Variants in UBALD2 observed in about 807,000 individuals in gnomAD.
UBALD2 encodes UBA-like domain-containing protein 2.
Under a neutral mutation model 15.9 loss-of-function variants are expected in UBALD2, and 8 were observed. The ratio of observed to expected loss-of-function variants is 0.50; its 90% CI spans 0.29 to 0.91. UBALD2 has a LOEUF of 0.91. UBALD2 is among the 40% of genes least tolerant of loss of function. UBALD2 has a pLI of 0.07. For missense variants in UBALD2, 178 were observed against 234.8 expected (o/e 0.76, Z 1.58); for synonymous variants, 113 against 97.7 (o/e 1.16, Z -0.93).
intron 2 of UBALD2, among the ~76,000 whole-genome samples, chr17:76,268,492 G>GC (rs57096365): frequency 0.21 from 31,756 of 151,556 alleles, 3,561 homozygotes; most frequent in East Asian, 0.37. Context: ...AGAGGGTGGG[G>GC]GGGGGGCAGG....
Position 76,269,104 on chromosome 17 carries a change from A to G in UBALD2, c.184-1090A>G, listed in dbSNP as rs1040295818. Among the ~76,000 whole-genome samples, 2 of 152,082 alleles carry G rather than the reference A, an allele frequency of 1.3e-5. No individual in the cohort carries two copies. Among genetic ancestry groups the G allele is most frequent in the African/African-American group, 2.4e-5 (1 of 41,406 alleles). Reference sequence around the variant, plus strand: ...AACTCCTGCGCCTGGGGGAGGGGCCAGTGTTGCTAAAATTAGGAGAAATTC... The same window carrying G: ...AACTCCTGCGCCTGGGGGAGGGGCCGGTGTTGCTAAAATTAGGAGAAATTC... On this transcript the variant is annotated intron_variant, in intron 2 of 2. Coordinates refer to ENST00000327490, the MANE Select transcript of UBALD2 (RefSeq NM_182565.4). The surrounding 1 kb of genome is among the most constrained non-coding windows in gnomAD (Gnocchi z 4.6).
chr17:76,267,201 A>G (rs2070551634), intron 2 of UBALD2, among the ~76,000 whole-genome samples: 1 of 151,954 alleles, frequency 6.6e-6, no homozygotes, highest in African/African-American at 2.4e-5. Flanking sequence ...ATTTCCTTCC[A>G]CCAGCTGTGG....
Position 76,270,580 on chromosome 17 carries a change from G to T in UBALD2, c.*75G>T, listed in dbSNP as rs558904539. On this transcript the variant is annotated 3_prime_UTR_variant, in exon 3 of 3. Coordinates refer to ENST00000327490, the MANE Select transcript of UBALD2 (RefSeq NM_182565.4). ...GTGGGGACACAGGAGGGCCAGGGAG[G>T]GGGGAGCCGGGGAGGGCAGGGGGTT... is the stretch of plus-strand genomic sequence containing the variant. The T allele has an allele frequency of 1.4e-4, 176 of 1,288,780 alleles. No homozygotes were observed. Among genetic ancestry groups the T allele is most frequent in the Non-Finnish European group, 1.6e-4 (155 of 992,444 alleles). 79.8% of individuals were successfully genotyped at this position (1,288,780 alleles called of 1,614,324 possible). A position where few individuals can be genotyped will look rare whatever the true frequency, so the allele number is the denominator to read the frequency against.
intron 2 of UBALD2, among the ~76,000 whole-genome samples, chr17:76,268,704 C>T (rs774880240): frequency 2.7e-5 from 4 of 150,320 alleles, no homozygotes; most frequent in South Asian, 2.1e-4. Context: ...ACACAACCTC[C>T]GGTTTCTAGC....
chr17:76,268,609 T>G (rs1463868683), intron 2 of UBALD2, among the ~76,000 whole-genome samples: 2 of 152,034 alleles, frequency 1.3e-5, no homozygotes, highest in African/African-American at 4.8e-5. Flanking sequence ...CAGAGCTCCC[T>G]TGGTGCCCTG....
chr17:76,266,621 G>A (rs2070547794), intron 2 of UBALD2, among the ~76,000 whole-genome samples: 1 of 152,188 alleles, frequency 6.6e-6, no homozygotes, highest in South Asian at 2.1e-4. Context: ...TAATCTCTGT[G>A]TTGAGCTCCA....
chr17:76,266,467 C>T (rs1202794892), intron 2 of UBALD2, among the ~76,000 whole-genome samples: 1 of 152,174 alleles, frequency 6.6e-6, no homozygotes, highest in African/African-American at 2.4e-5. Context: ...TGAATCCACC[C>T]TGGCTCAGGA....
rs2070576529 is a variant in UBALD2 at position 76,270,302 on chromosome 17, A to G, written c.292A>G (p.Met98Val). ...SEGLQSSNSPMTAAACSPPAN... is the reference protein window; with the variant it reads ...SEGLQSSNSPVTAAACSPPAN... ...GGGCCTGCAGAGCAGCAACAGCCCC[A>G]TGACAGCCGCAGCCTGCTCCCCACC... Residue 98 changes from methionine (M) to valine (V), a missense_variant, in exon 3 of 3, where the codon ATG (methionine) becomes GTG (valine). Physicochemically the swap from Met to Val is conservative, Grantham distance 21. Coordinates refer to ENST00000327490, the MANE Select transcript of UBALD2 (RefSeq NM_182565.4). The G allele has an allele frequency of 3.7e-6, 6 of 1,610,570 alleles. No individual in the cohort carries two copies. Among genetic ancestry groups the G allele is most frequent in the South Asian group, 2.2e-5 (2 of 90,984 alleles).
intron 2 of UBALD2, among the ~76,000 whole-genome samples, chr17:76,268,496 G>GGGGGT (rs1358447784): frequency 2.6e-5 from 4 of 151,964 alleles, no homozygotes; most frequent in African/African-American, 9.7e-5. Context: ...GGTGGGGGGG[G>GGGGGT]GGCAGGGAGT....
intron 2 of UBALD2, among the ~76,000 whole-genome samples, chr17:76,268,501 G>T (rs1476933887): frequency 6.7e-6 from 1 of 149,918 alleles, no homozygotes; most frequent in Admixed American, 6.6e-5. Flanking sequence ...GGGGGGGGCA[G>T]GGAGTAGTGG....
chr17:76,270,450 C>T lies in UBALD2; in HGVS notation c.440C>T (p.Ala147Val). The T allele has an allele frequency of 1.3e-6, 2 of 1,513,176 alleles. No homozygotes were observed. The highest frequency in any genetic ancestry group is 1.4e-5 in the African/African-American group (1 of 71,974). 93.7% of individuals were successfully genotyped at this position (1,513,176 alleles called of 1,614,324 possible). Residue 147 changes from alanine to valine, a missense_variant, in exon 3 of 3, where the codon GCA becomes GTA. Ala to Val is a moderately conservative substitution (Grantham distance 64). Coordinates refer to ENST00000327490, the MANE Select transcript of UBALD2 (RefSeq NM_182565.4). ...CCACAGCCCACGTGGCCCCCAGGAG[C>T]ACAGCAGGGGGGCGCCCAGCAGAAA... ...HRPQPTWPPG[A>V]QQGGAQQKAM... is the part of the protein sequence containing the mutation.
Position 76,265,974 on chromosome 17 carries a change from G to A in UBALD2, c.183+5G>A, listed in dbSNP as rs962716788. The A allele has an allele frequency of 2.5e-6, 4 of 1,572,492 alleles. No homozygotes were observed. The highest frequency in any genetic ancestry group is 3.4e-6 in the Non-Finnish European group (4 of 1,160,216). On this transcript the variant is annotated splice_donor_5th_base_variant and intron_variant, in intron 2 of 2. Transcript: ENST00000327490. ...AGCCACCACCACCACCAGATGGTAA[G>A]CGGCGGCGGGCAGGGGCGCGGGCCG...
At chr17:76,267,200 C>T (rs1175507856) in intron 2 of UBALD2, among the ~76,000 whole-genome samples, 1 of 152,148 alleles carries the variant, frequency 6.6e-6, no homozygotes, top group East Asian at 1.9e-4. Context: ...GATTTCCTTC[C>T]ACCAGCTGTG....
intron 2 of UBALD2, among the ~76,000 whole-genome samples, chr17:76,268,155 G>C (rs1057348800): frequency 2.0e-5 from 3 of 152,226 alleles, no homozygotes; most frequent in Admixed American, 6.5e-5. Flanking sequence ...GTGGAGAAAG[G>C]CACTACAGAC....
At position 76,269,720 on chromosome 17, in the gene UBALD2, C is replaced by T. The variant is rs1029279062; in HGVS notation, c.184-474C>T. Among the ~76,000 whole-genome samples, 6 of 152,220 alleles carry T rather than the reference C, an allele frequency of 3.9e-5. No homozygotes were observed. Among genetic ancestry groups the T allele is most frequent in the African/African-American group, 1.4e-4 (6 of 41,460 alleles). On this transcript the variant is annotated intron_variant, in intron 2 of 2. Coordinates refer to ENST00000327490, the MANE Select transcript of UBALD2 (RefSeq NM_182565.4). The surrounding 1 kb of genome is among the most constrained non-coding windows in gnomAD (Gnocchi z 4.6). Reference sequence around the variant, plus strand: ...CTTAGTGTGGTGTGAACCCATCCACCAAGGTGGCTTAACTTTTCCAGGGTT... The same window carrying T: ...CTTAGTGTGGTGTGAACCCATCCACTAAGGTGGCTTAACTTTTCCAGGGTT...
At chr17:76,267,321 C>T (rs1294785429) in intron 2 of UBALD2, among the ~76,000 whole-genome samples, 1 of 152,078 alleles carries the variant, frequency 6.6e-6, no homozygotes, top group African/African-American at 2.4e-5. Flanking sequence ...TTCCTATTGC[C>T]CCTCCTCTGC....
intron 2 of UBALD2, 148 bp downstream of exon 2, chr17:76,266,117 C>T: frequency 3.7e-6 from 4 of 1,084,206 alleles, no homozygotes; most frequent in Non-Finnish European, 3.9e-6. Flanking sequence ...GCGCTGGCGC[C>T]TCCAACTTTG....
chr17:76,266,400 TC>T (rs202148630), intron 2 of UBALD2, among the ~76,000 whole-genome samples: 2,450 of 148,008 alleles, frequency 0.017, 72 homozygotes, highest in African/African-American at 0.062. Context: ...TTGAGTGGTT[TC>T]CCCCCTCCCC....
At chr17:76,266,417 C>CAT (rs1307286997) in intron 2 of UBALD2, among the ~76,000 whole-genome samples, 1 of 151,630 alleles carries the variant, frequency 6.6e-6, no homozygotes. Flanking sequence ...TCCCCCTCCA[C>CAT]ACACACACAC....
Sources: allele counts gnomAD v4.1 joint callset (sites outside exome capture counted in the v4.1 genomes callset), GRCh38; gene constraint gnomAD v4.1.1; non-coding constraint Gnocchi (gnomAD v3.1); transcripts MANE v1.5; gene names NCBI Gene and HGNC (gene_info 2026-07-23, HGNC 2026-07-21).